Variants in KCNN4 observed in about 807,000 individuals in gnomAD.
The protein encoded by KCNN4 is potassium calcium-activated channel subfamily N member 4.
Under a neutral mutation model 45.2 loss-of-function variants are expected in KCNN4, and 31 were observed. The observed-to-expected ratio is 0.69, with a 90% confidence interval of 0.52 to 0.92. The LOEUF (loss-of-function observed/expected upper bound fraction) is 0.92, where lower values mean the gene tolerates loss of function less well. Ranked by LOEUF, KCNN4 falls within the 40% of genes least tolerant of loss-of-function variation. The probability of loss-of-function intolerance (pLI) is 0.00; values close to 1 mark genes in which losing one functional copy is unlikely to be tolerated. For missense variants in KCNN4, 463 were observed against 574.0 expected, an observed-to-expected ratio of 0.81 and a Z score of 1.98; for synonymous variants, 231 against 254.6, an observed-to-expected ratio of 0.91 and a Z score of 0.88.
chr19:43,774,135 G>T lies in KCNN4; in HGVS notation c.683+57C>A. 6.6e-7 allele frequency: 1 copy of T among 1,515,916 alleles called. No homozygotes were observed. The highest frequency in any genetic ancestry group is 8.9e-7 in the Non-Finnish European group (1 of 1,121,196). 93.9% of individuals were successfully genotyped at this position (1,515,916 alleles called of 1,614,324 possible). A position where few individuals can be genotyped will look rare whatever the true frequency, so the allele number is the denominator to read the frequency against. On this transcript the variant is annotated intron_variant, in intron 3 of 8. Coordinates refer to ENST00000648319, the MANE Select transcript of KCNN4 (RefSeq NM_002250.3). This position sits in a 1 kb window ranked among gnomAD's most constrained non-coding sequence, Gnocchi z 5.6. ...CTCAACCTGCACCGCGGCACAGGAC[G>T]GCCGCCGTGGCTGTCCGGGGTTCCC... is the stretch of plus-strand genomic sequence containing the variant.
chr19:43,779,841 G>C (rs1037007995), intron 1 of KCNN4, among the ~76,000 whole-genome samples: 1 of 152,124 alleles, frequency 6.6e-6, no homozygotes, highest in South Asian at 2.1e-4. Flanking sequence ...CCAGGCCACT[G>C]TAAGCCTACC....
In KCNN4 at chr19:43,768,958, AG is replaced by A; in HGVS notation, c.1119+4del. The stretch of plus-strand genomic sequence containing the variant: ...TCAAGACCTCCTCCCACGGGATCCT[AG>A]TACCTTGGAGATGTCCACCATGGAG... On this transcript the variant is annotated splice_donor_region_variant and intron_variant, in intron 7 of 8. Coordinates refer to ENST00000648319, the MANE Select transcript of KCNN4 (RefSeq NM_002250.3). The A allele has an allele frequency of 6.2e-7, 1 of 1,614,024 alleles. No homozygotes were observed. The highest frequency in any genetic ancestry group is 8.5e-7 in the Non-Finnish European group (1 of 1,179,948).
At chr19:43,779,569 C>G (rs1014500671) in intron 1 of KCNN4, among the ~76,000 whole-genome samples, 6 of 152,144 alleles carry the variant, frequency 3.9e-5, no homozygotes, top group African/African-American at 1.4e-4. Flanking sequence ...CCAGCCCCTC[C>G]TTTCCTGTTG....
At chr19:43,775,468 T>C (rs549545214) in intron 2 of KCNN4, among the ~76,000 whole-genome samples, 1 of 152,302 alleles carries the variant, frequency 6.6e-6, no homozygotes, top group Admixed American at 6.5e-5. Context: ...ATTGCCCCCA[T>C]TTTATAGATG....
chr19:43,767,283 G>A, intron 8 of KCNN4, 194 bp from the exon 9 acceptor site: 1 of 490,810 alleles, frequency 2.0e-6, no homozygotes, highest in Non-Finnish European at 3.7e-6. Context: ...ATGTGCCCAG[G>A]ACAGGCAGAG....
At position 43,769,050 on chromosome 19, in the gene KCNN4, G is replaced by T; in HGVS notation, c.1050-18C>A. 6.2e-7 allele frequency: 1 copy of T among 1,614,124 alleles called. No homozygotes were observed. The highest frequency in any genetic ancestry group is 8.5e-7 in the Non-Finnish European group (1 of 1,179,934). ...GGCGGAACCTGTGGGAAGAAGTGGG[G>T]AGTCAGTTTTACAAGCCTGGTCCCT... On this transcript the variant is annotated intron_variant, in intron 6 of 8. Transcript: ENST00000648319. The surrounding 1 kb of genome is among the most constrained non-coding windows in gnomAD (Gnocchi z 4.4).
chr19:43,776,490 G>A, intron 2 of KCNN4, 51 bp downstream of exon 2: 2 of 1,235,152 alleles, frequency 1.6e-6, no homozygotes, highest in Non-Finnish European at 2.4e-6. Context: ...GAGCTGACAG[G>A]GCGCTGAGGG....
At chr19:43,776,808 A>G in intron 1 of KCNN4, 172 bp from the exon 2 acceptor site, 1 of 606,768 alleles carries the variant, frequency 1.6e-6, no homozygotes, top group South Asian at 1.9e-5. Context: ...TCTCAAAACC[A>G]TCATCTGGGC....
chr19:43,767,407 A>C, intron 8 of KCNN4, 133 bp downstream of exon 8: 1 of 1,153,596 alleles, frequency 8.7e-7, no homozygotes, highest in Non-Finnish European at 1.2e-6. Flanking sequence ...CCTTTCCTCC[A>C]GACAGTGCCA....
intron 2 of KCNN4, among the ~76,000 whole-genome samples, chr19:43,775,184 G>A (rs769839052): frequency 1.3e-5 from 2 of 152,080 alleles, no homozygotes; most frequent in Non-Finnish European, 2.9e-5. Context: ...AAAATAAGCC[G>A]GGCATGGTGG....
intron 1 of KCNN4, among the ~76,000 whole-genome samples, chr19:43,779,359 C>T (rs1036711655): frequency 2.6e-5 from 4 of 151,996 alleles, no homozygotes; most frequent in African/African-American, 9.7e-5. Context: ...GGCGGCCCCA[C>T]CCCCTCAGTG....
intron 7 of KCNN4, 95 bp downstream of exon 7, chr19:43,768,868 C>A: frequency 8.4e-7 from 1 of 1,185,372 alleles, no homozygotes; most frequent in Non-Finnish European, 1.3e-6. Context: ...GTGTGCCAGG[C>A]CCCTGCCAAG....
chr19:43,776,900 C>A (rs1020853936), intron 1 of KCNN4: 3 of 405,532 alleles, frequency 7.4e-6, no homozygotes, highest in Admixed American at 3.6e-5. Context: ...GAGTTTGAGA[C>A]CCCCTGGCCA....
chr19:43,777,326 G>T (rs671375), intron 1 of KCNN4, among the ~76,000 whole-genome samples: 35,389 of 141,192 alleles, frequency 0.25, 4,631 homozygotes, highest in East Asian at 0.35. Context: ...TGTGTGTGTG[G>T]GTGTGTGTGT....
chr19:43,770,830 C>G (rs1051428367), intron 4 of KCNN4, among the ~76,000 whole-genome samples: 3 of 152,208 alleles, frequency 2.0e-5, no homozygotes, highest in Admixed American at 1.3e-4. Flanking sequence ...AGCTCAAGTG[C>G]ACATCACCCT....
At position 43,769,846 on chromosome 19, in the gene KCNN4, C is replaced by A; in HGVS notation, c.820-17G>T. ...GCAGACACCCTGTGGGCACAGCAGGCACCGTGGCATGAGGCTGTGCCACCG... is the reference window on the plus strand; with the variant it reads ...GCAGACACCCTGTGGGCACAGCAGGAACCGTGGCATGAGGCTGTGCCACCG... On this transcript the variant is annotated splice_polypyrimidine_tract_variant and intron_variant, in intron 4 of 8. Transcript: ENST00000648319. This position sits in a 1 kb window ranked among gnomAD's most constrained non-coding sequence, Gnocchi z 4.4. 1 of 1,586,728 alleles carries A rather than the reference C, an allele frequency of 6.3e-7. No homozygotes were observed. Among genetic ancestry groups the A allele is most frequent in the Non-Finnish European group, 8.6e-7 (1 of 1,161,832 alleles).
rs201811061 is a variant in KCNN4 at position 43,769,584 on chromosome 19, C to A, written c.931-24G>T. 6.9e-6 allele frequency: 11 copies of A among 1,604,394 alleles called. No homozygotes were observed. Among genetic ancestry groups the A allele is most frequent in the Non-Finnish European group, 8.5e-6 (10 of 1,171,180 alleles). ...ATCTGGGGGTGGGTGGCACAGTGTCCGTGGAGATAGACCCTTACGGTTCTG... is the reference window on the plus strand; with the variant it reads ...ATCTGGGGGTGGGTGGCACAGTGTCAGTGGAGATAGACCCTTACGGTTCTG... On this transcript the variant is annotated intron_variant, in intron 5 of 8. Transcript: ENST00000648319. The surrounding 1 kb of genome is among the most constrained non-coding windows in gnomAD (Gnocchi z 4.4).
At chr19:43,777,302 T>TGTGTGG (rs1362362267) in intron 1 of KCNN4, among the ~76,000 whole-genome samples, 1 of 146,758 alleles carries the variant, frequency 6.8e-6, no homozygotes, top group Non-Finnish European at 1.5e-5. Flanking sequence ...TCTTCAGGTG[T>TGTGTGG]GTGTGTGTGT....
In KCNN4 at chr19:43,767,652, A is replaced by G. The variant is rs1289404023; in HGVS notation, c.1175T>C (p.Leu392Pro). 6.2e-7 allele frequency: 1 copy of G among 1,613,766 alleles called. No homozygotes were observed. Among genetic ancestry groups the G allele is most frequent in the Non-Finnish European group, 8.5e-7 (1 of 1,179,810 alleles). ...CGCCAGCGTGTCAATCTGTTTCTCC[A>G]GGGCCCGGTGTGAGCTGCTCAGATT... ...QQNLSSSHRA[L>P]EKQIDTLAGK... The change falls in exon 8 of 9, where the codon CTG (leucine) becomes CCG (proline). Residue 392 changes from leucine (L) to proline (P), a missense_variant. By Grantham distance (98) the Leu-to-Pro change is moderately conservative. This residue lies in a region of KCNN4 where 129 missense variants were observed against 149.4 expected (regional missense o/e 0.86). Coordinates refer to ENST00000648319, the MANE Select transcript of KCNN4 (RefSeq NM_002250.3).
Sources: gnomAD v4.1 joint callset for allele counts (sites outside exome capture counted in the v4.1 genomes callset) on GRCh38, gnomAD v4.1.1 for gene constraint, gnomAD v4.1.1 regional missense constraint, Gnocchi (gnomAD v3.1) non-coding constraint, MANE v1.5 for transcripts, NCBI Gene and HGNC (gene_info 2026-07-23, HGNC 2026-07-21) for gene names.